The following SLC35D4 variants were observed in gnomAD, a reference collection of about 807,000 sequenced individuals.
The protein encoded by SLC35D4 is UDP-N-acetylglucosamine transporter SLC35D4.
the SLC35D4 span, among the ~76,000 whole-genome samples, chr18:23,411,685 G>A: frequency 2.0e-5 from 3 of 152,106 alleles, no homozygotes; most frequent in Admixed American, 1.3e-4. Context: ...CTATTTATAA[G>A]CACAAATACT....
At chr18:23,293,684 A>G in the SLC35D4 span, among the ~76,000 whole-genome samples, 1 of 152,234 alleles carries the variant, frequency 6.6e-6, no homozygotes, top group Non-Finnish European at 1.5e-5. Context: ...TTAAAGCTAC[A>G]AGAACTCCCT....
At chr18:23,429,051 T>C in the SLC35D4 span, among the ~76,000 whole-genome samples, 1 of 152,258 alleles carries the variant, frequency 6.6e-6, no homozygotes, top group Non-Finnish European at 1.5e-5. Context: ...TAGTATTCCA[T>C]GGTATATATA....
At chr18:23,246,530 T>C in the SLC35D4 span, among the ~76,000 whole-genome samples, 16 of 152,092 alleles carry the variant, frequency 1.1e-4, no homozygotes, top group Admixed American at 4.6e-4. Flanking sequence ...TAGCTGGGAC[T>C]ACAGGCACCC....
the SLC35D4 span, among the ~76,000 whole-genome samples, chr18:23,420,602 T>G: frequency 6.6e-6 from 1 of 151,940 alleles, no homozygotes; most frequent in Non-Finnish European, 1.5e-5. Context: ...TCTCAAACTC[T>G]TGGGTTCAAG....
chr18:23,357,278 A>G, the SLC35D4 span, among the ~76,000 whole-genome samples: 1 of 152,122 alleles, frequency 6.6e-6, no homozygotes, highest in Non-Finnish European at 1.5e-5. Context: ...TTTTAGTTTG[A>G]GGTCCAAAGG....
the SLC35D4 span, among the ~76,000 whole-genome samples, chr18:23,421,027 T>G: frequency 1.3e-5 from 2 of 152,022 alleles, no homozygotes; most frequent in African/African-American, 4.8e-5. Flanking sequence ...GTGGATCACT[T>G]GAGGTCAGGA....
the SLC35D4 span, among the ~76,000 whole-genome samples, chr18:23,255,349 G>C: frequency 6.6e-6 from 1 of 152,114 alleles, no homozygotes; most frequent in Non-Finnish European, 1.5e-5. Flanking sequence ...GCTGTCTTCA[G>C]TGGCAAAGGC....
the SLC35D4 span, among the ~76,000 whole-genome samples, chr18:23,285,175 GTGCCCCAACCCCTTATTTCCA>G: frequency 3.9e-5 from 6 of 151,994 alleles, no homozygotes; most frequent in Admixed American, 3.3e-4. Context: ...CCTCTTATCT[GTGCCCCAACCCCTTATTTCCA>G]TGCCCCGACC....
the SLC35D4 span, among the ~76,000 whole-genome samples, chr18:23,318,497 G>A: frequency 1.3e-5 from 2 of 152,128 alleles, no homozygotes; most frequent in African/African-American, 4.8e-5. Flanking sequence ...TACATAGCAA[G>A]GAATTCTAAG....
chr18:23,344,142 A>G, the SLC35D4 span, among the ~76,000 whole-genome samples: 1 of 152,020 alleles, frequency 6.6e-6, no homozygotes, highest in Non-Finnish European at 1.5e-5. Flanking sequence ...TCTGCCTCCC[A>G]AGGTGTTGGG....
the SLC35D4 span, among the ~76,000 whole-genome samples, chr18:23,285,744 C>T: frequency 9.0e-3 from 1,369 of 152,208 alleles, 7 homozygotes; most frequent in East Asian, 0.034. Flanking sequence ...CCTCAGCCTC[C>T]GCTTCTCCAC....
chr18:23,437,931 G>C, the SLC35D4 span: 19 of 1,453,516 alleles, frequency 1.3e-5, no homozygotes, highest in Admixed American at 8.0e-5. Flanking sequence ...CGCAGCAGCA[G>C]CAGCGGCAGC....
the SLC35D4 span, among the ~76,000 whole-genome samples, chr18:23,369,622 TGA>T: frequency 5.1e-3 from 776 of 152,316 alleles, 6 homozygotes; most frequent in African/African-American, 0.018. Flanking sequence ...ACATGTCATC[TGA>T]GAGGTGACAT....
chr18:23,385,754 CA>C, the SLC35D4 span, among the ~76,000 whole-genome samples: 17 of 152,210 alleles, frequency 1.1e-4, no homozygotes, highest in East Asian at 3.3e-3. Flanking sequence ...ACACGATCTG[CA>C]TGTTTAGAGG....
At chr18:23,429,858 G>T in the SLC35D4 span, among the ~76,000 whole-genome samples, 1 of 152,096 alleles carries the variant, frequency 6.6e-6, no homozygotes, top group African/African-American at 2.4e-5. Context: ...GAATTATTTA[G>T]TTTTTTTCTT....
the SLC35D4 span, among the ~76,000 whole-genome samples, chr18:23,327,288 C>T: frequency 6.6e-6 from 1 of 151,860 alleles, no homozygotes; most frequent in Non-Finnish European, 1.5e-5. Flanking sequence ...ATCAACAAAA[C>T]TGATAGACCA....
chr18:23,307,930 G>T, the SLC35D4 span, among the ~76,000 whole-genome samples: 1 of 152,144 alleles, frequency 6.6e-6, no homozygotes, highest in African/African-American at 2.4e-5. Context: ...CTTCTGAAGA[G>T]CCTGCCTGTC....
chr18:23,245,035 G>C, the SLC35D4 span, among the ~76,000 whole-genome samples: 1 of 152,274 alleles, frequency 6.6e-6, no homozygotes, highest in African/African-American at 2.4e-5. Context: ...GACCCTCACT[G>C]TTCTCCAGGA....
chr18:23,428,347 A>G, the SLC35D4 span, among the ~76,000 whole-genome samples: 1 of 152,154 alleles, frequency 6.6e-6, no homozygotes, highest in African/African-American at 2.4e-5. Context: ...ACAAAACAAC[A>G]TACCTTTTGC....
Sources: gnomAD v4.1 joint callset for allele counts (sites outside exome capture counted in the v4.1 genomes callset) on GRCh38, gnomAD v4.1.1 for gene constraint, MANE v1.5 for transcripts, NCBI Gene and HGNC (gene_info 2026-07-23, HGNC 2026-07-21) for gene names.